Variants in DOP1B observed in about 807,000 individuals in gnomAD.
DOP1B encodes the protein DOP1 leucine zipper like protein B.
A neutral mutation model predicts 233.5 loss-of-function variants in DOP1B; 174 were observed. The ratio of observed to expected loss-of-function variants is 0.75; its 90% CI spans 0.66 to 0.85. The LOEUF is 0.85. DOP1B is among the 40% of genes least tolerant of loss of function. The probability of loss-of-function intolerance (pLI) is 0.00; values close to 1 mark genes in which losing one functional copy is unlikely to be tolerated. For synonymous variants in DOP1B, 1,190 were observed against 1,185.6 expected (o/e 1.00, Z -0.08); for missense variants, 2,652 against 2,846.6 (o/e 0.93, Z 1.56).
rs766428725 is a variant in DOP1B, at chr21:36,199,055, T to G, written c.139-15T>G. ...TGCCTTCTTCCTCATGTGTTTTTTT[T>G]GTCTTGTTTGACAGGCTCTTCAGAG... On this transcript the variant is annotated splice_polypyrimidine_tract_variant and intron_variant, in intron 2 of 36. Coordinates refer to ENST00000691173, the MANE Select transcript of DOP1B (RefSeq NM_001320714.2). 3 of 1,601,070 alleles carry G rather than the reference T, an allele frequency of 1.9e-6. No individual in the cohort carries two copies. Among genetic ancestry groups the G allele is most frequent in the African/African-American group, 1.3e-5 (1 of 74,186 alleles).
Position 36,232,892 on chromosome 21 carries a change from C to T in DOP1B, c.2439C>T (p.Ala813=). ...CTGACTGCTACCTCCAGAACGTGGC[C>T]ATTTCCACTCTGCTGGAAGTGATAA... The part of the protein sequence containing the change: ...CVTDCYLQNV[A]ISTLLEVINH... The change falls in exon 15 of 37, where the codon GCC becomes GCT. Residue 813 remains alanine, a synonymous_variant. Coordinates refer to ENST00000691173, the MANE Select transcript of DOP1B (RefSeq NM_001320714.2). The T allele has an allele frequency of 6.2e-7, 1 of 1,614,012 alleles. No individual in the cohort carries two copies. Among genetic ancestry groups the T allele is most frequent in the Non-Finnish European group, 8.5e-7 (1 of 1,179,996 alleles).
chr21:36,180,795 C>T (rs898741683), intron 2 of DOP1B, among the ~76,000 whole-genome samples: 19 of 151,956 alleles, frequency 1.3e-4, no homozygotes, highest in African/African-American at 3.9e-4. Flanking sequence ...GCATGAGAAT[C>T]GCTTGAACCC....
chr21:36,158,004 G>C (rs926253039), intron 1 of DOP1B, among the ~76,000 whole-genome samples: 5 of 151,566 alleles, frequency 3.3e-5, no homozygotes, highest in Non-Finnish European at 7.4e-5. Flanking sequence ...TCATTATGTT[G>C]CCCAGTCTGG....
In DOP1B at chr21:36,253,905, A is replaced by G; in HGVS notation, c.5255A>G (p.Asp1752Gly). Residue 1752 changes from aspartate to glycine, a missense_variant, in exon 23 of 37, where the codon GAT becomes GGT. Physicochemically the swap from Asp to Gly is moderately conservative, Grantham distance 94. Coordinates refer to ENST00000691173, the MANE Select transcript of DOP1B (RefSeq NM_001320714.2). ...AGGCCACCCCAAGTCAAAGGGGGTG[A>G]TGAGGTGAGGAGCCTGGGGAAGCCT... ...VKRPPQVKGG[D>G]EKSPLVDIPV... The G allele has an allele frequency of 6.2e-7, 1 of 1,613,780 alleles. No individual in the cohort carries two copies. The highest frequency in any genetic ancestry group is 8.5e-7 in the Non-Finnish European group (1 of 1,179,900).
chr21:36,257,773 GAT>G (rs913323147), intron 23 of DOP1B, among the ~76,000 whole-genome samples: 3 of 121,544 alleles, frequency 2.5e-5, no homozygotes, highest in Non-Finnish European at 4.9e-5. Flanking sequence ...TAGGTAGAGA[GAT>G]GTAGGTAGGT....
intron 18 of DOP1B, among the ~76,000 whole-genome samples, chr21:36,241,022 C>T (rs971816045): frequency 6.6e-6 from 1 of 152,028 alleles, no homozygotes; most frequent in Non-Finnish European, 1.5e-5. Flanking sequence ...AAGGGCTGGA[C>T]GGTGGCTCAC....
intron 4 of DOP1B, among the ~76,000 whole-genome samples, chr21:36,205,865 C>A (rs1024400407): frequency 6.6e-6 from 1 of 151,962 alleles, no homozygotes; most frequent in Non-Finnish European, 1.5e-5. Context: ...CAAAAATTAG[C>A]CAGGCATGGT....
chr21:36,226,748 C>A (rs976360790), intron 12 of DOP1B, among the ~76,000 whole-genome samples: 40 of 152,146 alleles, frequency 2.6e-4, no homozygotes, highest in African/African-American at 9.7e-4. Context: ...CATGTGCCAC[C>A]ACATCTGGAT....
At chr21:36,279,315 G>T (rs537815886) in intron 30 of DOP1B, among the ~76,000 whole-genome samples, 7 of 152,122 alleles carry the variant, frequency 4.6e-5, no homozygotes, top group Admixed American at 3.3e-4. Flanking sequence ...CTACATGGAA[G>T]CCTGAGGCAG....
chr21:36,270,334 A>G lies in DOP1B; in HGVS notation c.5632+177A>G, dbSNP rs73381538. The stretch of plus-strand genomic sequence containing the variant: ...TTGGGAGACCGAGATGGGCAGATAA[A>G]GCAAGGTCAGGAGTTTGAGACTAGC... On this transcript the variant is annotated intron_variant, in intron 27 of 36. Transcript: ENST00000691173. Among the ~76,000 whole-genome samples, 173 of 149,194 alleles carry G rather than the reference A, an allele frequency of 1.2e-3. 1 individual carries two copies. The highest frequency in any genetic ancestry group is 4.0e-3 in the African/African-American group (159 of 39,678).
chr21:36,173,564 G>A (rs1472053740), intron 2 of DOP1B, among the ~76,000 whole-genome samples: 8 of 151,922 alleles, frequency 5.3e-5, no homozygotes, highest in Admixed American at 3.9e-4. Context: ...TGGGACTACA[G>A]GCGCCCACCA....
Position 36,214,115 on chromosome 21 carries a change from A to G in DOP1B, c.939A>G (p.Glu313=). Residue 313 remains glutamate, a synonymous_variant, in exon 8 of 37, where the codon GAA becomes GAG. Transcript: ENST00000691173. ...TAAAAGGAAATACCGTTGTGCCAGA[A>G]TCTGAAATCTCAAATTCTTATGAAG... The part of the protein sequence containing the change: ...SDIKGNTVVP[E]SEISNSYEDQ... 6.2e-7 allele frequency: 1 copy of G among 1,614,068 alleles called. No individual in the cohort carries two copies. The highest frequency in any genetic ancestry group is 8.5e-7 in the Non-Finnish European group (1 of 1,180,004).
At position 36,251,695 on chromosome 21, in the gene DOP1B, A is replaced by C. The variant is rs1302155943; in HGVS notation, c.5121+411A>C. On this transcript the variant is annotated intron_variant, in intron 22 of 36. Transcript: ENST00000691173. The stretch of plus-strand genomic sequence containing the variant: ...CTCGGCCTCCTAAAGTGCTGGGATT[A>C]CAGGCGTGAGCCACCACACCTTGCC... Among the ~76,000 whole-genome samples the C allele has an allele frequency of 2.2e-4, 34 of 152,228 alleles. 1 individual carries two copies. Among genetic ancestry groups the C allele is most frequent in the Admixed American group, 2.2e-3 (34 of 15,284 alleles).
chr21:36,180,282 C>A (rs1313286211), intron 2 of DOP1B, among the ~76,000 whole-genome samples: 1 of 152,136 alleles, frequency 6.6e-6, no homozygotes, highest in Non-Finnish European at 1.5e-5. Flanking sequence ...AAAATGTACT[C>A]ACTTTGCTGG....
At chr21:36,162,547 T>C (rs1485184766) in intron 1 of DOP1B, among the ~76,000 whole-genome samples, 1 of 151,610 alleles carries the variant, frequency 6.6e-6, no homozygotes, top group African/African-American at 2.4e-5. Context: ...GTCTTCACTT[T>C]CTTTTTTTTT....
intron 23 of DOP1B, among the ~76,000 whole-genome samples, chr21:36,257,604 AG>A: frequency 1.3e-5 from 1 of 77,396 alleles, no homozygotes; most frequent in Non-Finnish European, 3.2e-5. Flanking sequence ...GATGATAGAT[AG>A]ATAGATAGAT....
At chr21:36,272,511 A>G (rs1445679979) in intron 27 of DOP1B, among the ~76,000 whole-genome samples, 1 of 151,758 alleles carries the variant, frequency 6.6e-6, no homozygotes, top group East Asian at 1.9e-4. Flanking sequence ...TTAGCCAGGT[A>G]TGGTGGCGGG....
chr21:36,216,787 T>C (rs1214938218), intron 9 of DOP1B, among the ~76,000 whole-genome samples: 2 of 151,392 alleles, frequency 1.3e-5, no homozygotes, highest in Non-Finnish European at 3.0e-5. Context: ...ACAAGAGAGC[T>C]GAGGGCTGGC....
intron 2 of DOP1B, among the ~76,000 whole-genome samples, chr21:36,186,303 G>C (rs2066165042): frequency 6.6e-6 from 1 of 152,156 alleles, no homozygotes; most frequent in Non-Finnish European, 1.5e-5. Context: ...AGGCCCTATT[G>C]CTCATGACTT....
Sources: gnomAD v4.1 joint callset for allele counts (sites outside exome capture counted in the v4.1 genomes callset) on GRCh38, gnomAD v4.1.1 for gene constraint, MANE v1.5 for transcripts, NCBI Gene and HGNC (gene_info 2026-07-23, HGNC 2026-07-21) for gene names.